GALNTL6: variants seen among roughly 807,000 people sequenced by gnomAD.
The protein encoded by GALNTL6 is polypeptide N-acetylgalactosaminyltransferase-like 6.
In GALNTL6, 46 loss-of-function variants were observed where a neutral mutation model predicts 73.7. That is an observed-to-expected ratio of 0.62 (90% CI 0.49 to 0.80). The LOEUF is 0.80. Among genes scored for constraint, GALNTL6 ranks in the 30% least tolerant of loss-of-function variants. GALNTL6 has a pLI of 0.00. For synonymous variants in GALNTL6, 259 were observed against 263.7 expected (o/e 0.98, Z 0.17); for missense variants, 604 against 755.0 (o/e 0.80, Z 2.34).
intron 3 of GALNTL6, among the ~76,000 whole-genome samples, chr4:172,284,312 G>C (rs777040159): frequency 6.6e-6 from 1 of 152,068 alleles, no homozygotes; most frequent in Non-Finnish European, 1.5e-5. Flanking sequence ...AGGAGTACAA[G>C]CTCAATTTTG....
intron 7 of GALNTL6, among the ~76,000 whole-genome samples, chr4:172,862,641 G>A (rs774132203): frequency 3.9e-5 from 6 of 152,060 alleles, no homozygotes; most frequent in African/African-American, 7.2e-5. Flanking sequence ...TGGAGGTTGC[G>A]GTGAGCCAAC....
chr4:171,991,744 A>G (rs1396214204), intron 2 of GALNTL6, among the ~76,000 whole-genome samples: 20 of 146,724 alleles, frequency 1.4e-4, no homozygotes, highest in Admixed American at 1.1e-3. Context: ...ATATATATAT[A>G]TATATATATA....
intron 2 of GALNTL6, among the ~76,000 whole-genome samples, chr4:171,863,424 C>A (rs937541839): frequency 3.3e-5 from 5 of 152,092 alleles, no homozygotes; most frequent in Non-Finnish European, 5.9e-5. Context: ...CTGAAAGAAG[C>A]TAACTTCAAT....
intron 5 of GALNTL6, among the ~76,000 whole-genome samples, chr4:172,479,376 C>T (rs1348731839): frequency 3.3e-5 from 5 of 152,118 alleles, no homozygotes; most frequent in Non-Finnish European, 5.9e-5. Flanking sequence ...CCATGGAATA[C>T]TACTCAGTTA....
In GALNTL6 at chr4:172,713,222, A is replaced by ATGTGTGTGTGTG. The variant is rs61504713; in HGVS notation, c.554-96105_554-96094dup. ...AATAAGAGAACAACAAAAGAATAAG[A>ATGTGTGTGTGTG]TGTGTGTGTGTGTGTGTGTGTGTGT... On this transcript the variant is annotated intron_variant, in intron 5 of 12. Coordinates refer to ENST00000506823, the MANE Select transcript of GALNTL6 (RefSeq NM_001034845.3). 4.2e-3 allele frequency among the ~76,000 whole-genome samples: 578 copies of ATGTGTGTGTGTG among 139,202 alleles called. 5 individuals carry two copies. Among genetic ancestry groups the ATGTGTGTGTGTG allele is most frequent in the South Asian group, 5.1e-3 (21 of 4,080 alleles). 91.3% of individuals were successfully genotyped at this position (139,202 alleles called of 152,430 possible). A position where few individuals can be genotyped will look rare whatever the true frequency, so the allele number is the denominator to read the frequency against.
At chr4:172,882,998 G>C in intron 8 of GALNTL6, 91 bp downstream of exon 8, 3 of 711,208 alleles carry the variant, frequency 4.2e-6, no homozygotes, top group Non-Finnish European at 7.3e-6. Flanking sequence ...CTGTGTTCTG[G>C]GATGACTTAA....
At chr4:172,351,620 T>C (rs539990575) in intron 5 of GALNTL6, among the ~76,000 whole-genome samples, 1 of 152,284 alleles carries the variant, frequency 6.6e-6, no homozygotes, top group African/African-American at 2.4e-5. Context: ...AAGCTATAAT[T>C]AACTTATACT....
At position 171,928,011 on chromosome 4, in the gene GALNTL6, G is replaced by A. The variant is rs62326313; in HGVS notation, c.138+113293G>A. Among the ~76,000 whole-genome samples the A allele has an allele frequency of 5.5e-3, 840 of 152,092 alleles. 5 individuals are homozygous for A. Among genetic ancestry groups the A allele is most frequent in the Non-Finnish European group, 9.9e-3 (671 of 67,996 alleles). On this transcript the variant is annotated intron_variant, in intron 2 of 12. Coordinates refer to ENST00000506823, the MANE Select transcript of GALNTL6 (RefSeq NM_001034845.3). ...CTTTTAGTTCATGATTGTATTCCCA[G>A]TATTAAAAAATGACTCAGTAGCCTC...
chr4:172,200,283 C>T (rs527799605), intron 2 of GALNTL6, among the ~76,000 whole-genome samples: 2 of 152,272 alleles, frequency 1.3e-5, no homozygotes, highest in South Asian at 2.1e-4. Flanking sequence ...TGTTAAAATA[C>T]TCCAGTTTAA....
intron 2 of GALNTL6, among the ~76,000 whole-genome samples, chr4:171,983,889 G>A (rs1455452375): frequency 6.6e-6 from 1 of 152,088 alleles, no homozygotes; most frequent in African/African-American, 2.4e-5. Context: ...GGGAAGTGGA[G>A]AAGGAGGAAA....
At chr4:173,012,272 C>G (rs1473712614) in intron 11 of GALNTL6, among the ~76,000 whole-genome samples, 3 of 152,124 alleles carry the variant, frequency 2.0e-5, no homozygotes, top group Non-Finnish European at 4.4e-5. Context: ...TAGAAAAGGT[C>G]CACCATGCCC....
chr4:172,449,150 C>T (rs1463381841), intron 5 of GALNTL6, among the ~76,000 whole-genome samples: 1 of 152,034 alleles, frequency 6.6e-6, no homozygotes, highest in South Asian at 2.1e-4. Context: ...TTGCTTTTAT[C>T]CCTCCATTGG....
At chr4:173,024,989 C>G (rs1177719020) in intron 12 of GALNTL6, among the ~76,000 whole-genome samples, 3 of 152,208 alleles carry the variant, frequency 2.0e-5, no homozygotes, top group Non-Finnish European at 4.4e-5. Flanking sequence ...GCCAACCCCT[C>G]CCTCCCAGCT....
At chr4:172,271,822 T>C (rs1738665211) in intron 3 of GALNTL6, among the ~76,000 whole-genome samples, 1 of 152,046 alleles carries the variant, frequency 6.6e-6, no homozygotes, top group African/African-American at 2.4e-5. Flanking sequence ...AAGCATCCTC[T>C]AAAGGGAAAA....
At chr4:172,213,985 G>A (rs910404450) in intron 2 of GALNTL6, among the ~76,000 whole-genome samples, 15 of 152,138 alleles carry the variant, frequency 9.9e-5, no homozygotes, top group Non-Finnish European at 1.3e-4. Context: ...TGAAATTTAT[G>A]TCTAGATGTT....
At chr4:171,872,610 C>T (rs1294059348) in intron 2 of GALNTL6, among the ~76,000 whole-genome samples, 1 of 152,100 alleles carries the variant, frequency 6.6e-6, no homozygotes, top group East Asian at 1.9e-4. Context: ...GAGCCACACT[C>T]CCTTTGGAGG....
chr4:171,844,395 G>A (rs1277213234), intron 2 of GALNTL6, among the ~76,000 whole-genome samples: 1 of 152,020 alleles, frequency 6.6e-6, no homozygotes, highest in Non-Finnish European at 1.5e-5. Flanking sequence ...ACTGATAGAG[G>A]CACCATCATT....
At chr4:171,953,722 C>T (rs1738958312) in intron 2 of GALNTL6, among the ~76,000 whole-genome samples, 1 of 151,944 alleles carries the variant, frequency 6.6e-6, no homozygotes, top group Non-Finnish European at 1.5e-5. Context: ...CAAATACAAG[C>T]CAATGACACA....
chr4:172,800,096 G>A (rs1038942288), intron 5 of GALNTL6, among the ~76,000 whole-genome samples: 1 of 152,106 alleles, frequency 6.6e-6, no homozygotes, highest in South Asian at 2.1e-4. Flanking sequence ...TATAATGGTG[G>A]TTGCCTGAAG....
Sources: gnomAD v4.1 joint callset for allele counts (sites outside exome capture counted in the v4.1 genomes callset) on GRCh38, gnomAD v4.1.1 for gene constraint, MANE v1.5 for transcripts, NCBI Gene and HGNC (gene_info 2026-07-23, HGNC 2026-07-21) for gene names.